The following KCNT2 variants were observed in gnomAD, a reference collection of about 807,000 sequenced individuals.
The protein encoded by KCNT2 is potassium sodium-activated channel subfamily T member 2.
In KCNT2, 67 loss-of-function variants were observed where a neutral mutation model predicts 153.8. That is an observed-to-expected ratio of 0.44 (90% CI 0.36 to 0.53). The LOEUF (loss-of-function observed/expected upper bound fraction) is 0.53, where lower values mean the gene tolerates loss of function less well. Ranked by LOEUF, KCNT2 falls within the 20% of genes least tolerant of loss-of-function variation. The pLI, the probability that KCNT2 is intolerant of heterozygous loss-of-function variation, is 0.00. For missense variants in KCNT2, 975 were observed against 1,354.8 expected, an observed-to-expected ratio of 0.72 and a Z score of 4.40; for synonymous variants, 500 against 458.8, an observed-to-expected ratio of 1.09 and a Z score of -1.15.
chr1:196,333,206 G>A (rs1664666968), intron 17 of KCNT2, among the ~76,000 whole-genome samples: 1 of 151,762 alleles, frequency 6.6e-6, no homozygotes, highest in Non-Finnish European at 1.5e-5. Context: ...CAAGCCTGTG[G>A]ACTGCTGTGT....
At chr1:196,334,152 CAATA>C (rs1664762344) in intron 16 of KCNT2, 92 bp from the exon 17 acceptor site, 1 of 715,830 alleles carries the variant, frequency 1.4e-6, no homozygotes, top group Admixed American at 2.5e-5. Context: ...ATAATAAACA[CAATA>C]AATATATATA....
chr1:196,533,485 C>T (rs1267699553), intron 1 of KCNT2, among the ~76,000 whole-genome samples: 2 of 152,104 alleles, frequency 1.3e-5, no homozygotes, highest in Admixed American at 1.3e-4. Flanking sequence ...TGGCAGCACT[C>T]TTACAAACCA....
chr1:196,352,759 G>C (rs1321096629), intron 14 of KCNT2, among the ~76,000 whole-genome samples: 2 of 152,008 alleles, frequency 1.3e-5, no homozygotes, highest in Non-Finnish European at 2.9e-5. Flanking sequence ...TTTTGAATGT[G>C]TTTGCTCTTG....
At chr1:196,564,629 T>C (rs1228297885) in intron 1 of KCNT2, among the ~76,000 whole-genome samples, 7 of 151,898 alleles carry the variant, frequency 4.6e-5, no homozygotes, top group Admixed American at 2.0e-4. Flanking sequence ...CAAAACAGCA[T>C]AGTACTGGTA....
At chr1:196,362,990 C>G (rs1667755403) in intron 14 of KCNT2, among the ~76,000 whole-genome samples, 1 of 152,046 alleles carries the variant, frequency 6.6e-6, no homozygotes, top group Admixed American at 6.6e-5. Flanking sequence ...CAAAAGCACA[C>G]AATTATACTA....
At chr1:196,370,298 G>T (rs899902271) in intron 14 of KCNT2, among the ~76,000 whole-genome samples, 3 of 152,016 alleles carry the variant, frequency 2.0e-5, no homozygotes, top group Non-Finnish European at 4.4e-5. Flanking sequence ...TCTGAAAAAT[G>T]AGGAAAAAAA....
Position 196,428,084 on chromosome 1 carries a change from C to T in KCNT2, c.984+21G>A, listed in dbSNP as rs763478528. On this transcript the variant is annotated intron_variant, in intron 10 of 27. Coordinates refer to ENST00000294725, the MANE Select transcript of KCNT2 (RefSeq NM_198503.5). ...TTAGTAGGTATGATCCAGTATAGCA[C>T]ATAATATAAGCCAAATGTACCTGGA... 3.8e-6 allele frequency: 6 copies of T among 1,599,050 alleles called. No homozygotes were observed. The East Asian group carries it at 1.3e-4, about 36-fold the overall frequency.
Position 196,340,356 on chromosome 1 carries a change from T to C in KCNT2, c.1768A>G (p.Ile590Val). The C allele has an allele frequency of 1.9e-6, 3 of 1,586,508 alleles. No individual in the cohort carries two copies. The highest frequency in any genetic ancestry group is 2.6e-6 in the Non-Finnish European group (3 of 1,165,632). The change falls in exon 16 of 28, where the codon ATA becomes GTA. Residue 590 changes from isoleucine to valine, a missense_variant. By Grantham distance (29) the Ile-to-Val change is conservative. Around this residue, in one of 6 missense-constraint regions of KCNT2, gnomAD observed 325 missense variants for 388.1 expected, o/e 0.84. Coordinates refer to ENST00000294725, the MANE Select transcript of KCNT2 (RefSeq NM_198503.5). ...HGPSRLPVHS[I>V]IASMGTVAID... is the part of the protein sequence containing the mutation. ...TTATACTTACCCATGCTGGCAATTATGCTATGTACAGGTAATCTGGAAGGT... is the reference window on the plus strand; with the variant it reads ...TTATACTTACCCATGCTGGCAATTACGCTATGTACAGGTAATCTGGAAGGT...
In KCNT2 at chr1:196,498,553, T is replaced by G. The variant is rs113244617; in HGVS notation, c.96-6212A>C. On this transcript the variant is annotated intron_variant, in intron 1 of 27. Coordinates refer to ENST00000294725, the MANE Select transcript of KCNT2 (RefSeq NM_198503.5). Reference sequence around the variant, plus strand: ...TTCTGGTCTCAGCAGGCAGATTCAATGGATGCACAGAAGTCTTGTCCTCTA... The same window carrying G: ...TTCTGGTCTCAGCAGGCAGATTCAAGGGATGCACAGAAGTCTTGTCCTCTA... Among the ~76,000 whole-genome samples the G allele has an allele frequency of 3.0e-3, 459 of 152,342 alleles. 1 individual carries two copies. The highest frequency in any genetic ancestry group is 0.01 in the African/African-American group (435 of 41,588).
At chr1:196,375,715 T>G (rs1668904380) in intron 13 of KCNT2, among the ~76,000 whole-genome samples, 1 of 151,778 alleles carries the variant, frequency 6.6e-6, no homozygotes, top group Admixed American at 6.6e-5. Flanking sequence ...GAATTTCATT[T>G]CAAAATAGTG....
At chr1:196,260,413 A>T (rs1399010417) in intron 25 of KCNT2, among the ~76,000 whole-genome samples, 1 of 151,898 alleles carries the variant, frequency 6.6e-6, no homozygotes. Flanking sequence ...ATACATCTAC[A>T]AGATGAACTG....
Position 196,319,436 on chromosome 1 carries a change from A to G in KCNT2, c.2348+48T>C, listed in dbSNP as rs201267103. The G allele has an allele frequency of 2.3e-6, 3 of 1,319,532 alleles. No homozygotes were observed. In the Admixed American group the frequency reaches 5.2e-5, roughly 23 times the overall value. 81.7% of individuals were successfully genotyped at this position (1,319,532 alleles called of 1,614,324 possible). A position where few individuals can be genotyped will look rare whatever the true frequency, so the allele number is the denominator to read the frequency against. ...AGTAACAAGGCACAGCACATGACAA[A>G]CCACAGGACACTACACTAGTTAGTG... On this transcript the variant is annotated intron_variant, in intron 20 of 27. Transcript: ENST00000294725.
chr1:196,539,521 A>C (rs1251687073), intron 1 of KCNT2, among the ~76,000 whole-genome samples: 2 of 152,156 alleles, frequency 1.3e-5, no homozygotes, highest in Non-Finnish European at 2.9e-5. Flanking sequence ...TAATGTTTCC[A>C]AGTTAGGAGA....
chr1:196,425,863 T>C lies in KCNT2; in HGVS notation c.1110A>G (p.Leu370=), dbSNP rs768992345. Residue 370 remains leucine (L), a synonymous_variant, in exon 11 of 28, where the codon CTA becomes CTG. Transcript: ENST00000294725. ...LQGSALKDQD[L]LRAKMDDAEA... is the part of the protein sequence containing the mutation. ...GCAGGGATACCTACTTTGCTCTCAATAGGTCTTGATCTTTAAGGGCTGAAC... is the reference window on the plus strand; with the variant it reads ...GCAGGGATACCTACTTTGCTCTCAACAGGTCTTGATCTTTAAGGGCTGAAC... 21 of 1,612,268 alleles carry C rather than the reference T, an allele frequency of 1.3e-5. No homozygotes were observed. The Admixed American group carries it at 3.2e-4, about 24-fold the overall frequency.
At chr1:196,243,895 C>T (rs1031316598) in intron 26 of KCNT2, among the ~76,000 whole-genome samples, 1 of 151,986 alleles carries the variant, frequency 6.6e-6, no homozygotes, top group African/African-American at 2.4e-5. Flanking sequence ...CCACCCCTCC[C>T]CCAAACCCAG....
At chr1:196,479,901 G>C (rs1678863191) in intron 4 of KCNT2, among the ~76,000 whole-genome samples, 1 of 152,124 alleles carries the variant, frequency 6.6e-6, no homozygotes. Context: ...AAATAAAAAG[G>C]CTACATCTTT....
intron 21 of KCNT2, 108 bp downstream of exon 21, chr1:196,315,784 A>G: frequency 1.1e-6 from 1 of 924,364 alleles, no homozygotes; most frequent in Non-Finnish European, 1.6e-6. Context: ...GAATAAATGA[A>G]CATAAAGTTG....
At chr1:196,372,527 A>G (rs1450102327) in intron 14 of KCNT2, among the ~76,000 whole-genome samples, 1 of 151,940 alleles carries the variant, frequency 6.6e-6, no homozygotes, top group African/African-American at 2.4e-5. Context: ...ATCCTAGTCA[A>G]AAACAACTTC....
At chr1:196,416,498 A>G (rs372092103) in intron 12 of KCNT2, among the ~76,000 whole-genome samples, 4 of 151,910 alleles carry the variant, frequency 2.6e-5, no homozygotes, top group African/African-American at 9.7e-5. Flanking sequence ...CCCGTGGATA[A>G]GGGGGATACT....
Sources: allele counts gnomAD v4.1 joint callset (sites outside exome capture counted in the v4.1 genomes callset), GRCh38; gene constraint gnomAD v4.1.1; regional missense constraint gnomAD v4.1.1; transcripts MANE v1.5; gene names NCBI Gene and HGNC (gene_info 2026-07-23, HGNC 2026-07-21).